Variants in TSGA10 observed in about 807,000 individuals in gnomAD.
TSGA10 encodes the protein testis specific 10.
Under a neutral mutation model 96.6 loss-of-function variants are expected in TSGA10, and 43 were observed. The ratio of observed to expected loss-of-function variants is 0.44; its 90% confidence interval spans 0.35 to 0.57. The LOEUF (loss-of-function observed/expected upper bound fraction) is 0.57. Ranked by LOEUF, TSGA10 falls within the 20% of genes least tolerant of loss-of-function variation. The probability of loss-of-function intolerance (pLI) is 0.01; values close to 1 mark genes in which losing one functional copy is unlikely to be tolerated. For synonymous variants in TSGA10, 229 were observed against 269.9 expected, an observed-to-expected ratio of 0.85 and a Z score of 1.48; for missense variants, 703 against 834.4, an observed-to-expected ratio of 0.84 and a Z score of 1.94.
At chr2:99,121,241 A>T (rs572288116) in intron 2 of TSGA10, among the ~76,000 whole-genome samples, 1 of 152,278 alleles carries the variant, frequency 6.6e-6, no homozygotes, top group South Asian at 2.1e-4. Context: ...AAAAACTGCC[A>T]AATCATTTTC....
intron 10 of TSGA10, among the ~76,000 whole-genome samples, chr2:99,095,466 CT>C (rs1298973688): frequency 6.6e-6 from 1 of 151,896 alleles, no homozygotes; most frequent in African/African-American, 2.4e-5. Flanking sequence ...ACTATTAATA[CT>C]TTTTTAAGTG....
intron 11 of TSGA10, 152 bp from the exon 12 acceptor site, chr2:99,078,965 A>T (rs1017581296): frequency 6.9e-5 from 41 of 598,192 alleles, no homozygotes; most frequent in Non-Finnish European, 9.2e-5. Context: ...AATTAAAAAA[A>T]TTTTTTTGGT....
At chr2:99,133,698 T>G (rs576616898) in intron 1 of TSGA10, among the ~76,000 whole-genome samples, 1 of 152,348 alleles carries the variant, frequency 6.6e-6, no homozygotes, top group African/African-American at 2.4e-5. Context: ...CTTTACAATT[T>G]GGTATGTTTT....
chr2:99,056,473 T>C (rs1003521145), intron 16 of TSGA10, among the ~76,000 whole-genome samples: 1 of 152,062 alleles, frequency 6.6e-6, no homozygotes, highest in Non-Finnish European at 1.5e-5. Flanking sequence ...ATGAACAAAT[T>C]CCTAGAAAAC....
chr2:99,150,237 G>GA (rs2093679338), intron 1 of TSGA10, among the ~76,000 whole-genome samples: 1 of 152,178 alleles, frequency 6.6e-6, no homozygotes, highest in South Asian at 2.1e-4. Flanking sequence ...AGGACTAAGA[G>GA]AAGCTCTACT....
intron 14 of TSGA10, 102 bp downstream of exon 14, chr2:99,071,604 T>C: frequency 9.1e-7 from 1 of 1,100,264 alleles, no homozygotes; most frequent in South Asian, 1.7e-5. Flanking sequence ...AAAAGGCTAG[T>C]TCCAGTGTCT....
chr2:99,094,074 A>G (rs1216168523), intron 10 of TSGA10, among the ~76,000 whole-genome samples: 1 of 152,222 alleles, frequency 6.6e-6, no homozygotes, highest in Admixed American at 6.5e-5. Context: ...AATGCAACAG[A>G]ATAAGAACGC....
In TSGA10 at chr2:99,052,756, A is replaced by AAAATAAAT. The variant is rs535538504; in HGVS notation, c.1404+12175_1404+12182dup. On this transcript the variant is annotated intron_variant, in intron 16 of 20. Transcript: ENST00000393483. ...CCATCTCAATTTAAAAAAAAAAATT[A>AAAATAAAT]AAATAAATAAATAAATAAATAAATA... Among the ~76,000 whole-genome samples, 19 of 151,076 alleles carry AAAATAAAT rather than the reference A, an allele frequency of 1.3e-4. 1 individual carries two copies. The South Asian group carries it at 3.8e-3, about 30-fold the overall frequency.
chr2:99,071,599 G>T, intron 14 of TSGA10, 107 bp downstream of exon 14: 2 of 1,018,496 alleles, frequency 2.0e-6, no homozygotes, highest in Admixed American at 2.6e-5. Flanking sequence ...AAAAGAAAAG[G>T]CTAGTTCCAG....
rs371139687 is a variant in TSGA10 at position 99,132,377 on chromosome 2, T to A, written c.-620-5201A>T. ...GGAAGGGTATATACCCTTCCAGGAA[T>A]TTGTCCATTTCTTCTAGATTTTCTA... On this transcript the variant is annotated intron_variant, in intron 1 of 20. Transcript: ENST00000393483. Among the ~76,000 whole-genome samples, 7 of 152,134 alleles carry A rather than the reference T, an allele frequency of 4.6e-5. No homozygotes were observed. In the East Asian group the frequency reaches 1.2e-3, roughly 25 times the overall value.
At chr2:99,109,338 C>G (rs1369604828) in intron 6 of TSGA10, 51 bp downstream of exon 6, 1 of 1,550,200 alleles carries the variant, frequency 6.5e-7, no homozygotes, top group Non-Finnish European at 8.9e-7. Flanking sequence ...AGAATAAAAG[C>G]CAGTGTCTGG....
chr2:99,150,592 G>C, intron 1 of TSGA10: 2 of 1,613,406 alleles, frequency 1.2e-6, no homozygotes, highest in Non-Finnish European at 1.7e-6. Flanking sequence ...TGCTACTCAG[G>C]TATCTGCTAT....
chr2:99,123,100 G>GT (rs1406952913), intron 2 of TSGA10, among the ~76,000 whole-genome samples: 1 of 152,064 alleles, frequency 6.6e-6, no homozygotes, highest in Non-Finnish European at 1.5e-5. Context: ...CTTACCTCCA[G>GT]TTTTTCAGAT....
At chr2:99,018,487 T>C (rs1006168541) in intron 19 of TSGA10, 49 bp downstream of exon 19, 2 of 1,590,624 alleles carry the variant, frequency 1.3e-6, no homozygotes, top group Admixed American at 1.8e-5. Flanking sequence ...AAACAATGCT[T>C]TCCATGCTGA....
intron 1 of TSGA10, among the ~76,000 whole-genome samples, chr2:99,134,372 G>A: frequency 6.6e-6 from 1 of 151,910 alleles, no homozygotes; most frequent in East Asian, 1.9e-4. Context: ...GATTGATTCA[G>A]CTATTGATAC....
At chr2:99,048,012 A>G (rs2082974721) in intron 16 of TSGA10, among the ~76,000 whole-genome samples, 1 of 152,192 alleles carries the variant, frequency 6.6e-6, no homozygotes, top group African/African-American at 2.4e-5. Flanking sequence ...TCCAGCTTAC[A>G]GGGGACATGA....
At chr2:99,140,910 G>A (rs2105101184) in intron 1 of TSGA10, among the ~76,000 whole-genome samples, 1 of 152,118 alleles carries the variant, frequency 6.6e-6, no homozygotes, top group South Asian at 2.1e-4. Context: ...CCGAGCTTCC[G>A]GCCGGCAGCT....
At chr2:99,116,913 T>C (rs1044984696) in intron 4 of TSGA10, among the ~76,000 whole-genome samples, 1 of 152,196 alleles carries the variant, frequency 6.6e-6, no homozygotes, top group Non-Finnish European at 1.5e-5. Context: ...CAGCTATTTT[T>C]AAATATGCAA....
intron 4 of TSGA10, among the ~76,000 whole-genome samples, chr2:99,116,252 T>C (rs796799231): frequency 9.8e-5 from 15 of 152,360 alleles, no homozygotes; most frequent in African/African-American, 3.4e-4. Flanking sequence ...CCTTCAAATA[T>C]GCTCTATCTT....
Sources: allele counts gnomAD v4.1 joint callset (sites outside exome capture counted in the v4.1 genomes callset), GRCh38; gene constraint gnomAD v4.1.1; transcripts MANE v1.5; gene names NCBI Gene and HGNC (gene_info 2026-07-23, HGNC 2026-07-21).